The following FOXP1 variants were observed in gnomAD, a reference collection of about 807,000 sequenced individuals.
The protein encoded by FOXP1 is forkhead box protein P1.
A neutral mutation model predicts 98.2 loss-of-function variants in FOXP1; 15 were observed. That is an observed-to-expected ratio of 0.15 (90% confidence interval 0.10 to 0.24). The LOEUF is 0.24. Ranked by LOEUF, FOXP1 falls within the 10% of genes least tolerant of loss-of-function variation. The pLI is 1.00. For synonymous variants in FOXP1, 371 were observed against 314.5 expected (o/e 1.18, Z -1.90); for missense variants, 633 against 848.5 (o/e 0.75, Z 3.15).
intron 17 of FOXP1, among the ~76,000 whole-genome samples, chr3:70,975,800 TCAAAAATGGGAAAGCC>T (rs1421470110): frequency 6.6e-6 from 1 of 151,782 alleles, no homozygotes; most frequent in Admixed American, 6.6e-5. Flanking sequence ...CACCAAGAAA[TCAAAAATGGGAAAGCC>T]CAAAAATATG....
chr3:70,988,143 G>A, intron 13 of FOXP1, 66 bp from the exon 14 acceptor site: 1 of 1,340,552 alleles, frequency 7.5e-7, no homozygotes, highest in East Asian at 2.3e-5. Context: ...CACCAAAAAT[G>A]ATACATATTA....
intron 7 of FOXP1, among the ~76,000 whole-genome samples, chr3:71,100,970 T>C (rs1180678794): frequency 1.3e-5 from 2 of 152,048 alleles, no homozygotes; most frequent in Non-Finnish European, 2.9e-5. Context: ...AGGTGAGCGA[T>C]GCATAAAGAA....
At chr3:71,054,294 C>A (rs1346954510) in intron 7 of FOXP1, among the ~76,000 whole-genome samples, 1 of 152,244 alleles carries the variant, frequency 6.6e-6, no homozygotes, top group Non-Finnish European at 1.5e-5. Flanking sequence ...AGACCCTTCG[C>A]ATGATGCCTT....
chr3:71,438,515 T>A (rs1235055333), intron 3 of FOXP1, among the ~76,000 whole-genome samples: 2 of 152,148 alleles, frequency 1.3e-5, no homozygotes, highest in African/African-American at 2.4e-5. Flanking sequence ...GGATTTAGCA[T>A]CCTAGCACAG....
intron 2 of FOXP1, chr3:71,571,841 C>A (rs2047363835): frequency 6.6e-6 from 1 of 152,204 alleles, no homozygotes; most frequent in Non-Finnish European, 1.5e-5. Flanking sequence ...ATCATCGATT[C>A]TTTTGGTCAT....
In FOXP1 at chr3:71,516,992, C is replaced by T. The variant is rs59047383; in HGVS notation, c.-297-23437G>A. ...GACTGTGTGTGTGCTTTCTCTTTCA[C>T]CCCCTGTGAATTTTAAATAGCTACA... On this transcript the variant is annotated intron_variant, in intron 2 of 20. Transcript: ENST00000649528. Among the ~76,000 whole-genome samples the T allele has an allele frequency of 8.2e-3, 1,248 of 152,280 alleles. 18 individuals are homozygous for T. The highest frequency in any genetic ancestry group is 0.029 in the African/African-American group (1,187 of 41,556).
intron 2 of FOXP1, among the ~76,000 whole-genome samples, chr3:71,529,074 T>C (rs2043622075): frequency 2.0e-5 from 3 of 152,190 alleles, no homozygotes; most frequent in Non-Finnish European, 4.4e-5. Context: ...TTTTCTGTGA[T>C]GAATAAAAAG....
chr3:70,978,007 G>T lies in FOXP1; in HGVS notation c.1169C>A (p.Thr390Asn). Residue 390 changes from threonine (T) to asparagine (N), a missense_variant, in exon 15 of 21, where the codon ACT becomes AAT. Transcript: ENST00000649528. ...AGCCTCCGATGCGGACTTGGAGAGA[G>T]TGACACTTGATACCAGATTCAACTG... Reference protein sequence around the residue: ...PQPLNLVSSVTLSKSASEASP... With the variant: ...PQPLNLVSSVNLSKSASEASP... The T allele has an allele frequency of 6.2e-7, 1 of 1,614,078 alleles. No homozygotes were observed. The highest frequency in any genetic ancestry group is 8.5e-7 in the Non-Finnish European group (1 of 1,179,966).
At chr3:71,425,276 C>T (rs1367945207) in intron 3 of FOXP1, among the ~76,000 whole-genome samples, 2 of 152,080 alleles carry the variant, frequency 1.3e-5, no homozygotes, top group South Asian at 2.1e-4. Flanking sequence ...CCACCACACC[C>T]GGCTAATTAT....
At chr3:70,967,627 T>C (rs1208977757) in intron 19 of FOXP1, among the ~76,000 whole-genome samples, 1 of 150,802 alleles carries the variant, frequency 6.6e-6, no homozygotes, top group African/African-American at 2.5e-5. Context: ...ATAAAGCTTT[T>C]TTTCTTTCTT....
At chr3:71,277,270 T>TG (rs1367672882) in intron 5 of FOXP1, among the ~76,000 whole-genome samples, 1 of 151,684 alleles carries the variant, frequency 6.6e-6, no homozygotes, top group Non-Finnish European at 1.5e-5. Flanking sequence ...ACTTTTTTTT[T>TG]TTTTTTTTTT....
At chr3:71,493,160 A>G (rs1045242067) in intron 3 of FOXP1, among the ~76,000 whole-genome samples, 11 of 152,230 alleles carry the variant, frequency 7.2e-5, no homozygotes, top group African/African-American at 2.7e-4. Flanking sequence ...AACGTTGCAC[A>G]TGGACCAAAA....
At chr3:71,454,276 G>A (rs1379407651) in intron 3 of FOXP1, among the ~76,000 whole-genome samples, 8 of 152,116 alleles carry the variant, frequency 5.3e-5, no homozygotes, top group South Asian at 4.1e-4. Context: ...AGCTAGGGTC[G>A]CCGGGGCTAA....
intron 4 of FOXP1, among the ~76,000 whole-genome samples, chr3:71,340,764 T>C (rs959668158): frequency 6.6e-6 from 1 of 152,200 alleles, no homozygotes; most frequent in African/African-American, 2.4e-5. Context: ...CACCAATCCC[T>C]CATCTCTCTT....
intron 3 of FOXP1, among the ~76,000 whole-genome samples, chr3:71,426,186 C>T (rs1204165867): frequency 6.6e-6 from 1 of 152,136 alleles, no homozygotes; most frequent in Non-Finnish European, 1.5e-5. Context: ...TGAAAAGATC[C>T]TATGAACATT....
In FOXP1 at chr3:71,304,624, C is replaced by T. The variant is rs1296354757; in HGVS notation, c.-72-4744G>A. On this transcript the variant is annotated intron_variant, in intron 4 of 20. Transcript: ENST00000649528. ...AGGTGCTCTGACGGAGTTACTTTGC[C>T]TCAAAAAAAAGTATTTTTCCCCTTA... 5 of 151,802 alleles carry T rather than the reference C, an allele frequency of 3.3e-5. No individual in the cohort carries two copies. In the East Asian group the frequency reaches 9.6e-4, roughly 29 times the overall value. The allele number at this position is 151,802 out of a possible 1,614,324, so 9.4% of individuals were successfully genotyped here. A position where few individuals can be genotyped will look rare whatever the true frequency, so the allele number is the denominator to read the frequency against.
rs1398732675 is a variant in FOXP1, at chr3:71,397,075, C to CACACAT, written c.-167-37832_-167-37831insATGTGT. 1.3e-3 allele frequency among the ~76,000 whole-genome samples: 49 copies of CACACAT among 38,388 alleles called. 11 individuals carry two copies. The highest frequency in any genetic ancestry group is 1.6e-3 in the Non-Finnish European group (33 of 20,554). The allele number at this position is 38,388 out of a possible 152,430, so 25.2% of individuals were successfully genotyped here. A position where few individuals can be genotyped will look rare whatever the true frequency, so the allele number is the denominator to read the frequency against. ...ACATATATATGTGTATATATATATA[C>CACACAT]ATATATATGTGTATATATATATATA... On this transcript the variant is annotated intron_variant, in intron 3 of 20. Coordinates refer to ENST00000649528, the MANE Select transcript of FOXP1 (RefSeq NM_001349338.3).
At chr3:71,255,060 T>G (rs777263203) in intron 5 of FOXP1, among the ~76,000 whole-genome samples, 25 of 152,136 alleles carry the variant, frequency 1.6e-4, no homozygotes, top group Non-Finnish European at 2.9e-4. Context: ...TAAATGCACT[T>G]GAAAGAAACT....
intron 20 of FOXP1, among the ~76,000 whole-genome samples, chr3:70,963,316 C>T (rs922026609): frequency 3.9e-5 from 6 of 152,144 alleles, no homozygotes; most frequent in African/African-American, 1.2e-4. Context: ...AAGTGAAATC[C>T]GATTTCGGGA....
Sources: gnomAD v4.1 joint callset for allele counts (sites outside exome capture counted in the v4.1 genomes callset) on GRCh38, gnomAD v4.1.1 for gene constraint, MANE v1.5 for transcripts, NCBI Gene and HGNC (gene_info 2026-07-23, HGNC 2026-07-21) for gene names.